The following PRKCZ variants were observed in gnomAD, a reference collection of about 807,000 sequenced individuals.
The protein encoded by PRKCZ is protein kinase C zeta, also known as protein kinase C zeta type.
PRKCZ carries 33 observed loss-of-function variants against 79.5 expected under a neutral mutation model. That is an observed-to-expected ratio of 0.41 (90% confidence interval 0.31 to 0.55). The LOEUF is 0.55. PRKCZ is among the 20% of genes least tolerant of loss of function. The pLI is 0.19. For missense variants in PRKCZ, 578 were observed against 813.5 expected, an observed-to-expected ratio of 0.71 and a Z score of 3.52; for synonymous variants, 342 against 320.9, an observed-to-expected ratio of 1.07 and a Z score of -0.70.
At chr1:2,158,930 C>G (rs764130880) in intron 10 of PRKCZ, among the ~76,000 whole-genome samples, 17 of 151,384 alleles carry the variant, frequency 1.1e-4, no homozygotes, top group Non-Finnish European at 2.4e-4. Flanking sequence ...GATTTTTTTG[C>G]CTTTTTTTTT....
In PRKCZ at chr1:2,165,353, G is replaced by A. The variant is rs963356516; in HGVS notation, c.975-4165G>A. ...GTTTCCAAGTGAGGGTTCTGGGCCC[G>A]CCCGAGTCATCTGATGTTGGGTCTG... On this transcript the variant is annotated intron_variant, in intron 10 of 17. Coordinates refer to ENST00000378567, the MANE Select transcript of PRKCZ (RefSeq NM_002744.6). The surrounding 1 kb of genome is among the most constrained non-coding windows in gnomAD (Gnocchi z 4.1). Among the ~76,000 whole-genome samples, 1 of 152,158 alleles carries A rather than the reference G, an allele frequency of 6.6e-6. No individual in the cohort carries two copies. The highest frequency in any genetic ancestry group is 1.5e-5 in the Non-Finnish European group (1 of 68,024).
In PRKCZ at chr1:2,185,084, C is replaced by G. The variant is rs1300477202; in HGVS notation, c.*75C>G. On this transcript the variant is annotated 3_prime_UTR_variant, in exon 18 of 18. Coordinates refer to ENST00000378567, the MANE Select transcript of PRKCZ (RefSeq NM_002744.6). ...ATCCTTAACCACCGCATATGCATGC[C>G]AGGCTGGGCACGGCTCCGAGGGCGG... 1 of 1,395,208 alleles carries G rather than the reference C, an allele frequency of 7.2e-7. No individual in the cohort carries two copies. Among genetic ancestry groups the G allele is most frequent in the Non-Finnish European group, 9.9e-7 (1 of 1,007,206 alleles). The allele number at this position is 1,395,208 out of a possible 1,614,324, so 86.4% of individuals were successfully genotyped here. A position where few individuals can be genotyped will look rare whatever the true frequency, so the allele number is the denominator to read the frequency against.
intron 4 of PRKCZ, chr1:2,073,818 A>G: frequency 9.7e-7 from 1 of 1,030,716 alleles, no homozygotes; most frequent in South Asian, 3.7e-5. Flanking sequence ...TCGGGGCCGG[A>G]GGCGAGCCGA....
chr1:2,140,021 G>A (rs1319606029), intron 5 of PRKCZ, among the ~76,000 whole-genome samples: 3 of 152,224 alleles, frequency 2.0e-5, no homozygotes, highest in Admixed American at 6.5e-5. Context: ...GTGGACAGAG[G>A]AGTGACCACT....
At chr1:2,089,752 C>T (rs928174467) in intron 4 of PRKCZ, among the ~76,000 whole-genome samples, 1 of 152,146 alleles carries the variant, frequency 6.6e-6, no homozygotes, top group Non-Finnish European at 1.5e-5. Context: ...GCTGTAGCAA[C>T]GTACCACAGA....
At chr1:2,058,419 A>G (rs1320679994) in intron 3 of PRKCZ, among the ~76,000 whole-genome samples, 1 of 151,538 alleles carries the variant, frequency 6.6e-6, no homozygotes, top group Non-Finnish European at 1.5e-5. Flanking sequence ...TAGAGGCTAC[A>G]GTGAACTGTG....
intron 4 of PRKCZ, chr1:2,135,059 G>GC: frequency 2.1e-6 from 1 of 482,808 alleles, no homozygotes; most frequent in Non-Finnish European, 3.7e-6. Flanking sequence ...GTCTCCAGCC[G>GC]CCGAGGCCGT....
intron 7 of PRKCZ, among the ~76,000 whole-genome samples, chr1:2,147,111 A>G (rs1678716909): frequency 6.6e-6 from 1 of 152,024 alleles, no homozygotes; most frequent in African/African-American, 2.4e-5. Flanking sequence ...TCTATTGTCC[A>G]CTGACCTCTC....
At chr1:2,119,213 C>CTTTTTTT (rs201938015) in intron 4 of PRKCZ, among the ~76,000 whole-genome samples, 2 of 126,436 alleles carry the variant, frequency 1.6e-5, no homozygotes, top group Non-Finnish European at 3.3e-5. Context: ...TTATTTTTTC[C>CTTTTTTT]TTTTTTTTTT....
intron 4 of PRKCZ, among the ~76,000 whole-genome samples, chr1:2,112,568 G>A (rs1042021303): frequency 1.5e-4 from 23 of 152,198 alleles, no homozygotes; most frequent in African/African-American, 3.1e-4. Context: ...GACCCCACAC[G>A]TTTCCTCCTC....
chr1:2,162,472 T>C lies in PRKCZ; in HGVS notation c.974+6380T>C, dbSNP rs540039441. ...CATTGGGATTTGTTAAGTTCACACA[T>C]TACCTGGGGCGAAATTGACATCCTT... On this transcript the variant is annotated intron_variant, in intron 10 of 17. Transcript: ENST00000378567. Among the ~76,000 whole-genome samples, 5 of 152,324 alleles carry C rather than the reference T, an allele frequency of 3.3e-5. No homozygotes were observed. The South Asian group carries it at 1.0e-3, about 32-fold the overall frequency.
chr1:2,135,355 G>GC lies in PRKCZ; in HGVS notation c.420+13dup. The GC allele has an allele frequency of 6.2e-7, 1 of 1,604,744 alleles. No homozygotes were observed. Among genetic ancestry groups the GC allele is most frequent in the Non-Finnish European group, 8.5e-7 (1 of 1,173,220 alleles). The stretch of plus-strand genomic sequence containing the variant: ...GCCAAGCGCTTTAACAGGGTGAGTG[G>GC]CCCCCTTGGGACTAGTCCCTCAAGG... On this transcript the variant is annotated intron_variant, in intron 5 of 17. Transcript: ENST00000378567.
rs575474377 is a variant in PRKCZ, at chr1:2,135,462, C to T, written c.420+115C>T. The T allele has an allele frequency of 7.8e-5, 74 of 946,802 alleles. No individual in the cohort carries two copies. The African/African-American group carries it at 9.3e-4, about 12-fold the overall frequency. 58.7% of individuals were successfully genotyped at this position (946,802 alleles called of 1,614,324 possible). ...CCCAGGCTGGGCTCTTTTTGGCGCC[C>T]GAGGGCAAGGTTACAGAAATGCTTT... On this transcript the variant is annotated intron_variant, in intron 5 of 17. Coordinates refer to ENST00000378567, the MANE Select transcript of PRKCZ (RefSeq NM_002744.6).
At chr1:2,143,997 T>C in intron 5 of PRKCZ, 1 of 600,272 alleles carries the variant, frequency 1.7e-6, no homozygotes, top group Non-Finnish European at 2.8e-6. Context: ...GGCCTCTCCT[T>C]GGGGCCACTG....
intron 10 of PRKCZ, among the ~76,000 whole-genome samples, chr1:2,160,026 A>G (rs1448407795): frequency 1.3e-5 from 2 of 151,970 alleles, no homozygotes; most frequent in Non-Finnish European, 2.9e-5. Flanking sequence ...ACGCCCATTC[A>G]CTCGCTGTTC....
intron 4 of PRKCZ, among the ~76,000 whole-genome samples, chr1:2,118,188 G>T (rs753858592): frequency 6.6e-6 from 1 of 151,022 alleles, no homozygotes; most frequent in Non-Finnish European, 1.5e-5. Context: ...GTAGAGACAG[G>T]GTTTCACCAT....
At chr1:2,120,783 T>TGGG (rs1671732826) in intron 4 of PRKCZ, among the ~76,000 whole-genome samples, 2 of 152,082 alleles carry the variant, frequency 1.3e-5, no homozygotes, top group Non-Finnish European at 2.9e-5. Context: ...AAATCTACCC[T>TGGG]TTAAATTATT....
intron 16 of PRKCZ, among the ~76,000 whole-genome samples, chr1:2,181,527 G>A (rs932670836): frequency 6.6e-6 from 1 of 152,226 alleles, no homozygotes; most frequent in African/African-American, 2.4e-5. Flanking sequence ...GTGGGAAAAG[G>A]TGTCAGGCAC....
At chr1:2,078,452 T>A (rs1662848342) in intron 4 of PRKCZ, among the ~76,000 whole-genome samples, 1 of 152,244 alleles carries the variant, frequency 6.6e-6, no homozygotes, top group Admixed American at 6.5e-5. Context: ...ATTTTGATTT[T>A]GTGTGTTTTT....
Sources: allele counts gnomAD v4.1 joint callset (sites outside exome capture counted in the v4.1 genomes callset), GRCh38; gene constraint gnomAD v4.1.1; non-coding constraint Gnocchi (gnomAD v3.1); transcripts MANE v1.5; gene names NCBI Gene and HGNC (gene_info 2026-07-23, HGNC 2026-07-21).